Variants in SRGAP3 observed in about 807,000 individuals in gnomAD.
SRGAP3 encodes SLIT-ROBO Rho GTPase-activating protein 3.
SRGAP3 carries 39 observed loss-of-function variants against 121.1 expected under a neutral mutation model. The observed-to-expected ratio is 0.32, with a 90% confidence interval of 0.25 to 0.42. The LOEUF is 0.42. SRGAP3 is among the 10% of genes least tolerant of loss of function. SRGAP3 has a pLI of 1.00. For synonymous variants in SRGAP3, 601 were observed against 570.0 expected (o/e 1.05, Z -0.77); for missense variants, 1,213 against 1,470.6 (o/e 0.82, Z 2.86).
At chr3:9,339,667 A>T (rs1341722328) in intron 1 of SRGAP3, among the ~76,000 whole-genome samples, 1 of 152,238 alleles carries the variant, frequency 6.6e-6, no homozygotes, top group Admixed American at 6.5e-5. Flanking sequence ...AGCAGGAAAT[A>T]TCCCTATATT....
intron 3 of SRGAP3, among the ~76,000 whole-genome samples, chr3:9,085,747 G>A (rs963447159): frequency 6.6e-6 from 1 of 152,132 alleles, no homozygotes; most frequent in Non-Finnish European, 1.5e-5. Context: ...ACTTATAAGT[G>A]GGAGCTAAAT....
chr3:9,135,800 CT>C (rs1239965012), intron 1 of SRGAP3, among the ~76,000 whole-genome samples: 7 of 152,236 alleles, frequency 4.6e-5, no homozygotes, highest in African/African-American at 1.7e-4. Flanking sequence ...CTCACAAGTT[CT>C]GAGGACAGTC....
chr3:9,208,493 C>T (rs537720915), intron 1 of SRGAP3, among the ~76,000 whole-genome samples: 9 of 152,188 alleles, frequency 5.9e-5, no homozygotes, highest in Non-Finnish European at 1.0e-4. Context: ...TTTCACTCCC[C>T]GGACTCTGTT....
At chr3:9,343,318 T>G (rs1386738142) in intron 1 of SRGAP3, among the ~76,000 whole-genome samples, 1 of 152,230 alleles carries the variant, frequency 6.6e-6, no homozygotes, top group Non-Finnish European at 1.5e-5. Flanking sequence ...ATAGTCCTCG[T>G]AGGGCTGTTG....
At chr3:9,146,899 C>T (rs928360668) in intron 1 of SRGAP3, among the ~76,000 whole-genome samples, 4 of 152,194 alleles carry the variant, frequency 2.6e-5, no homozygotes, top group Non-Finnish European at 2.9e-5. Context: ...GGAGACCTGA[C>T]GCCCAGCGGT....
intron 3 of SRGAP3, chr3:9,292,567 A>G (rs1385085413): frequency 1.3e-5 from 2 of 152,190 alleles, no homozygotes; most frequent in African/African-American, 2.4e-5. Context: ...CTATCAAATA[A>G]AAGACATTTA....
At chr3:9,254,588 G>C (rs1248740817), upstream of SRGAP3, among the ~76,000 whole-genome samples, 2 of 152,112 alleles carry the variant, frequency 1.3e-5, no homozygotes, top group Non-Finnish European at 2.9e-5. Context: ...GAGCTCAGGA[G>C]TTCGAGACCA....
chr3:9,234,348 T>C (rs1269839430), intron 1 of SRGAP3, among the ~76,000 whole-genome samples: 1 of 152,180 alleles, frequency 6.6e-6, no homozygotes, highest in East Asian at 1.9e-4. Flanking sequence ...CTGCCAACTC[T>C]GCTTGGAAGT....
At chr3:9,246,027 G>A (rs1048896706) in intron 1 of SRGAP3, among the ~76,000 whole-genome samples, 1 of 152,212 alleles carries the variant, frequency 6.6e-6, no homozygotes, top group Non-Finnish European at 1.5e-5. Context: ...AAATGTGCAA[G>A]CATATGGTTT....
In SRGAP3 at chr3:9,053,127, G is replaced by A; in HGVS notation, c.1223C>T (p.Thr408Ile). ...VSDAFQHSRS[T>I]ESVKSAASET... is the part of the protein sequence containing the mutation. ...AGAGGCAGCCGACTTGACGGACTCT[G>A]TCGATCGACTGTGTTGGAAGGCATC... Residue 408 changes from threonine (T) to isoleucine (I), a missense_variant, in exon 9 of 22, where the codon ACA becomes ATA. Physicochemically the swap from Thr to Ile is moderately conservative, Grantham distance 89 (BLOSUM62 -1). Around this residue, in one of 2 missense-constraint regions of SRGAP3, gnomAD observed 793 missense variants for 1,032.9 expected, o/e 0.77. Coordinates refer to ENST00000383836, the MANE Select transcript of SRGAP3 (RefSeq NM_014850.4). The A allele has an allele frequency of 6.2e-7, 1 of 1,614,198 alleles. No individual in the cohort carries two copies. The highest frequency in any genetic ancestry group is 8.5e-7 in the Non-Finnish European group (1 of 1,180,034).
upstream of SRGAP3, among the ~76,000 whole-genome samples, chr3:9,250,943 A>G (rs1420818551): frequency 1.3e-5 from 2 of 152,232 alleles, no homozygotes; most frequent in Non-Finnish European, 2.9e-5. Context: ...ACTAATGTGT[A>G]TTGGCCCCTG....
chr3:9,262,534 CAAAAAAA>C (rs765408588), intron 3 of SRGAP3, among the ~76,000 whole-genome samples: 6 of 25,568 alleles, frequency 2.3e-4, no homozygotes, highest in Admixed American at 6.1e-4. Flanking sequence ...AAATGGAAAG[CAAAAAAA>C]AAAAAAAAAA....
At chr3:9,006,367 T>C (rs1268931703) in intron 18 of SRGAP3, among the ~76,000 whole-genome samples, 6 of 137,714 alleles carry the variant, frequency 4.4e-5, no homozygotes, top group African/African-American at 1.4e-4. Context: ...ACCACTTTAC[T>C]ACAGCCTGGC....
At position 9,015,689 on chromosome 3, in the gene SRGAP3, T is replaced by C. The variant is rs1238540224; in HGVS notation, c.1721A>G (p.Asn574Ser). The C allele has an allele frequency of 3.1e-6, 5 of 1,614,088 alleles. No homozygotes were observed. Among genetic ancestry groups the C allele is most frequent in the African/African-American group, 2.7e-5 (2 of 74,940 alleles). Residue 574 changes from asparagine (N) to serine (S), a missense_variant, in exon 15 of 22, where the codon AAT (asparagine) becomes AGT (serine). This residue lies in a region of SRGAP3 where 793 missense variants were observed against 1,032.9 expected (regional missense o/e 0.77). Coordinates refer to ENST00000383836, the MANE Select transcript of SRGAP3 (RefSeq NM_014850.4). ...CAGTTTTAAAACACCAGCGACTGAATTGATATCTCGTTCATTTTGATCGTC... is the reference window on the plus strand; with the variant it reads ...CAGTTTTAAAACACCAGCGACTGAACTGATATCTCGTTCATTTTGATCGTC... ...LVDDQNERDINSVAGVLKLYF... is the reference protein window; with the variant it reads ...LVDDQNERDISSVAGVLKLYF...
At chr3:9,052,644 C>T (rs1188245765) in intron 9 of SRGAP3, among the ~76,000 whole-genome samples, 3 of 152,156 alleles carry the variant, frequency 2.0e-5, no homozygotes, top group Non-Finnish European at 4.4e-5. Context: ...GCATTTTTTC[C>T]AAAGCTCACA....
intron 1 of SRGAP3, among the ~76,000 whole-genome samples, chr3:9,204,992 C>T (rs990878978): frequency 6.6e-6 from 1 of 152,216 alleles, no homozygotes; most frequent in Non-Finnish European, 1.5e-5. Context: ...ACATTGATCA[C>T]CATTTAGACT....
chr3:9,024,890 T>TC, intron 14 of SRGAP3, among the ~76,000 whole-genome samples: 1 of 152,258 alleles, frequency 6.6e-6, no homozygotes, highest in South Asian at 2.1e-4. Context: ...CACTGTGCAG[T>TC]CCCCTGGAGA....
At chr3:9,027,183 A>C (rs1045188769) in intron 12 of SRGAP3, among the ~76,000 whole-genome samples, 188 bp from the exon 13 acceptor site, 6 of 152,260 alleles carry the variant, frequency 3.9e-5, no homozygotes, top group African/African-American at 1.4e-4. Context: ...AACTGTATGC[A>C]CAAAAAGGCA....
intron 3 of SRGAP3, among the ~76,000 whole-genome samples, chr3:9,085,050 G>T (rs1247184061): frequency 6.6e-6 from 1 of 152,164 alleles, no homozygotes; most frequent in Non-Finnish European, 1.5e-5. Flanking sequence ...CTCTGCACTT[G>T]TAAATGATCT....
Sources: allele counts gnomAD v4.1 joint callset (sites outside exome capture counted in the v4.1 genomes callset), GRCh38; gene constraint gnomAD v4.1.1; regional missense constraint gnomAD v4.1.1; transcripts MANE v1.5; gene names NCBI Gene and HGNC (gene_info 2026-07-23, HGNC 2026-07-21).